FAT3: variants seen among roughly 807,000 people sequenced by gnomAD.
FAT3 encodes the protein FAT atypical cadherin 3, also known as protocadherin Fat 3.
Under a neutral mutation model 310.2 loss-of-function variants are expected in FAT3, and 95 were observed. That is an observed-to-expected ratio of 0.31 (90% CI 0.26 to 0.36). FAT3 has a LOEUF of 0.36. FAT3 is among the 10% of genes least tolerant of loss of function. The pLI is 1.00. For missense variants in FAT3, 5,408 were observed against 5,715.6 expected (o/e 0.95, Z 1.74); for synonymous variants, 2,314 against 2,192.9 (o/e 1.06, Z -1.54).
At chr11:92,465,065 A>T (rs1951727516) in intron 2 of FAT3, among the ~76,000 whole-genome samples, 1 of 152,136 alleles carries the variant, frequency 6.6e-6, no homozygotes, top group African/African-American at 2.4e-5. Context: ...GGGGAGAAAA[A>T]GCATTTATTT....
intron 2 of FAT3, among the ~76,000 whole-genome samples, chr11:92,417,498 A>C (rs1334843966): frequency 1.3e-5 from 2 of 152,204 alleles, no homozygotes; most frequent in Non-Finnish European, 2.9e-5. Flanking sequence ...TAGCCACAGA[A>C]ATATGCTTAA....
intron 1 of FAT3, among the ~76,000 whole-genome samples, 129 bp downstream of exon 1, chr11:92,225,303 G>A (rs1270971582): frequency 6.6e-6 from 1 of 152,162 alleles, no homozygotes; most frequent in African/African-American, 2.4e-5. Flanking sequence ...GAGAGCCGAC[G>A]AAGCGCGTGG....
At position 92,490,403 on chromosome 11, in the gene FAT3, C is replaced by T. The variant is rs572644751; in HGVS notation, c.3293-34231C>T. ...TTTGAGTCTCAACTTTACTTTGTAG[C>T]TCTGGGAACCTGGGTAGATTCTTGA... On this transcript the variant is annotated intron_variant, in intron 2 of 27. Transcript: ENST00000525166. Among the ~76,000 whole-genome samples, 12 of 152,214 alleles carry T rather than the reference C, an allele frequency of 7.9e-5. No individual in the cohort carries two copies. The South Asian group carries it at 1.2e-3, about 16-fold the overall frequency.
At chr11:92,861,310 T>C (rs1008122871) in intron 21 of FAT3, among the ~76,000 whole-genome samples, 1 of 152,182 alleles carries the variant, frequency 6.6e-6, no homozygotes, top group African/African-American at 2.4e-5. Context: ...AGCATTAAAT[T>C]TGAGAGAGAA....
intron 3 of FAT3, among the ~76,000 whole-genome samples, chr11:92,541,278 G>A (rs1591424809): frequency 6.6e-6 from 1 of 152,148 alleles, no homozygotes; most frequent in Non-Finnish European, 1.5e-5. Flanking sequence ...ATGAATGAAT[G>A]AATAAATAAA....
intron 1 of FAT3, among the ~76,000 whole-genome samples, chr11:92,294,808 A>G (rs1048208158): frequency 1.3e-5 from 2 of 150,560 alleles, no homozygotes; most frequent in South Asian, 4.1e-4. Flanking sequence ...GAAATGTAGA[A>G]CCTGGAGCCA....
intron 7 of FAT3, among the ~76,000 whole-genome samples, chr11:92,782,521 A>C (rs1439565964): frequency 6.6e-6 from 1 of 152,186 alleles, no homozygotes; most frequent in Non-Finnish European, 1.5e-5. Context: ...GCAGTGAGCC[A>C]TGATCACACC....
At chr11:92,804,635 C>G (rs58775728) in intron 10 of FAT3, among the ~76,000 whole-genome samples, 1 of 152,124 alleles carries the variant, frequency 6.6e-6, no homozygotes, top group African/African-American at 2.4e-5. Flanking sequence ...CCTCCTCTGT[C>G]GTGAAAACTT....
chr11:92,862,762 G>T (rs543436320), intron 21 of FAT3, among the ~76,000 whole-genome samples: 1 of 152,282 alleles, frequency 6.6e-6, no homozygotes, highest in South Asian at 2.1e-4. Flanking sequence ...GTAATAATAA[G>T]ATAACTAAGA....
At chr11:92,469,907 C>G (rs564104529) in intron 2 of FAT3, among the ~76,000 whole-genome samples, 1 of 152,124 alleles carries the variant, frequency 6.6e-6, no homozygotes, top group African/African-American at 2.4e-5. Flanking sequence ...GACTTTTAAT[C>G]AAGACTTTAG....
At chr11:92,557,587 G>A (rs148931530) in intron 3 of FAT3, among the ~76,000 whole-genome samples, 1 of 152,302 alleles carries the variant, frequency 6.6e-6, no homozygotes, top group East Asian at 1.9e-4. Flanking sequence ...CCAAGATGAG[G>A]TTGGTCCATT....
intron 2 of FAT3, among the ~76,000 whole-genome samples, chr11:92,416,411 A>G (rs1950415553): frequency 6.6e-6 from 1 of 151,954 alleles, no homozygotes; most frequent in Non-Finnish European, 1.5e-5. Context: ...AGAAAGAAAA[A>G]AAACCTTCCA....
At chr11:92,286,955 G>C (rs1946576151) in intron 1 of FAT3, among the ~76,000 whole-genome samples, 1 of 152,172 alleles carries the variant, frequency 6.6e-6, no homozygotes, top group South Asian at 2.1e-4. Flanking sequence ...TCTGTAAATA[G>C]TGATTAGGTG....
In FAT3 at chr11:92,804,525, T is replaced by C. The variant is rs115325734; in HGVS notation, c.8897-628T>C. On this transcript the variant is annotated intron_variant, in intron 10 of 27. Coordinates refer to ENST00000525166, the MANE Select transcript of FAT3 (RefSeq NM_001367949.2). Reference sequence around the variant, plus strand: ...TTCATCTGTTTTCTTTTCTTCCATGTTCCCCAGCTTCACTCTGATACATTT... The same window carrying C: ...TTCATCTGTTTTCTTTTCTTCCATGCTCCCCAGCTTCACTCTGATACATTT... Among the ~76,000 whole-genome samples the C allele has an allele frequency of 6.7e-3, 1,015 of 152,320 alleles. 19 individuals carry two copies. Among genetic ancestry groups the C allele is most frequent in the African/African-American group, 0.023 (975 of 41,576 alleles).
At chr11:92,722,050 A>G (rs181305160) in intron 4 of FAT3, among the ~76,000 whole-genome samples, 1 of 152,124 alleles carries the variant, frequency 6.6e-6, no homozygotes, top group East Asian at 1.9e-4. Context: ...TCACATTTCA[A>G]AACCAATTAT....
At chr11:92,486,085 A>G (rs928085163) in intron 2 of FAT3, among the ~76,000 whole-genome samples, 2 of 141,268 alleles carry the variant, frequency 1.4e-5, no homozygotes, top group African/African-American at 5.3e-5. Flanking sequence ...ATTTCCATGA[A>G]TTCCTCTAAG....
rs1347203847 is a variant in FAT3, at chr11:92,525,910, T to C, written c.3607+962T>C. Among the ~76,000 whole-genome samples, 10 of 152,270 alleles carry C rather than the reference T, an allele frequency of 6.6e-5. No homozygotes were observed. In the South Asian group the frequency reaches 1.9e-3, roughly 28 times the overall value. On this transcript the variant is annotated intron_variant, in intron 3 of 27. Coordinates refer to ENST00000525166, the MANE Select transcript of FAT3 (RefSeq NM_001367949.2). Reference sequence around the variant, plus strand: ...CATGTAGCTGACCTCAAGTATTTTATAAATGTCAGACTCCCATTAATATAA... The same window carrying C: ...CATGTAGCTGACCTCAAGTATTTTACAAATGTCAGACTCCCATTAATATAA...
At chr11:92,882,590 C>A (rs77951320) in intron 23 of FAT3, 148 bp from the exon 24 acceptor site, 8 of 515,828 alleles carry the variant, frequency 1.6e-5, no homozygotes, top group Non-Finnish European at 2.3e-5. Context: ...CCCCCTCCCC[C>A]CCCCCACCAA....
chr11:92,322,691 G>A (rs535658021), intron 1 of FAT3, among the ~76,000 whole-genome samples: 96 of 152,184 alleles, frequency 6.3e-4, no homozygotes, highest in African/African-American at 2.0e-3. Context: ...AGATTATATC[G>A]GAAGAAATCA....
Sources: gnomAD v4.1 joint callset for allele counts (sites outside exome capture counted in the v4.1 genomes callset) on GRCh38, gnomAD v4.1.1 for gene constraint, MANE v1.5 for transcripts, NCBI Gene and HGNC (gene_info 2026-07-23, HGNC 2026-07-21) for gene names.